CNNM3: variants seen among roughly 807,000 people sequenced by gnomAD.
CNNM3 encodes cyclin and CBS domain divalent metal cation transport mediator 3, also known as metal transporter CNNM3.
In CNNM3, 47 loss-of-function variants were observed where a neutral mutation model predicts 57.1. The observed-to-expected ratio is 0.82, with a 90% confidence interval of 0.65 to 1.05. CNNM3 has a LOEUF of 1.05. Ranked by LOEUF, CNNM3 falls within the 50% of genes least tolerant of loss-of-function variation. CNNM3 has a pLI of 0.00. For synonymous variants in CNNM3, 507 were observed against 478.2 expected (o/e 1.06, Z -0.79); for missense variants, 957 against 973.7 (o/e 0.98, Z 0.23).
intron 1 of CNNM3, among the ~76,000 whole-genome samples, chr2:96,821,066 G>A (rs986302413): frequency 1.3e-5 from 2 of 152,008 alleles, no homozygotes; most frequent in Admixed American, 1.3e-4. Context: ...GGAAGACAGT[G>A]GGGGAGGTTT....
At chr2:96,835,784 T>C (rs1214070065), downstream of CNNM3, among the ~76,000 whole-genome samples, 3 of 152,120 alleles carry the variant, frequency 2.0e-5, no homozygotes, top group East Asian at 5.8e-4. Context: ...GTCAAACTCA[T>C]GTCCTCACCG....
intron 2 of CNNM3, 55 bp from the exon 3 acceptor site, chr2:96,826,778 T>C: frequency 6.2e-7 from 1 of 1,604,958 alleles, no homozygotes; most frequent in Non-Finnish European, 8.5e-7. Flanking sequence ...CTTAGTGTGG[T>C]CGTGTTGACT....
In CNNM3 at chr2:96,834,713, G is replaced by C. The variant is rs776845739; in HGVS notation, c.*2097G>C. The stretch of plus-strand genomic sequence containing the variant: ...ATGTTAACAGCTTACATATAACCTT[G>C]GTACATTTATCAAAACTAAAGGTGC... On this transcript the variant is annotated 3_prime_UTR_variant, in exon 8 of 8. Transcript: ENST00000305510. Among the ~76,000 whole-genome samples the C allele has an allele frequency of 6.6e-6, 1 of 151,986 alleles. No individual in the cohort carries two copies. Among genetic ancestry groups the C allele is most frequent in the Non-Finnish European group, 1.5e-5 (1 of 68,016 alleles).
chr2:96,827,005 G>T (rs774293886), intron 3 of CNNM3, 23 bp downstream of exon 3: 6 of 1,610,662 alleles, frequency 3.7e-6, no homozygotes, highest in Non-Finnish European at 5.1e-6. Flanking sequence ...GGTGGTCCAT[G>T]CCCCCTGCTC....
chr2:96,836,265 G>A (rs1444337993), downstream of CNNM3, among the ~76,000 whole-genome samples: 1 of 133,650 alleles, frequency 7.5e-6, no homozygotes, highest in Non-Finnish European at 1.6e-5. Flanking sequence ...TTTTTGAGAT[G>A]TAGTTTCACT....
Position 96,834,591 on chromosome 2 carries a change from C to T in CNNM3, c.*1975C>T, listed in dbSNP as rs533265637. Among the ~76,000 whole-genome samples the T allele has an allele frequency of 4.5e-4, 68 of 151,438 alleles. No individual in the cohort carries two copies. The highest frequency in any genetic ancestry group is 1.5e-3 in the African/African-American group (62 of 41,268). ...CTCGAACTCCTAGGCTCAAGCGATCCTCCTGCCTCGGCCTCCCAAAGTGTT... is the reference window on the plus strand; with the variant it reads ...CTCGAACTCCTAGGCTCAAGCGATCTTCCTGCCTCGGCCTCCCAAAGTGTT... On this transcript the variant is annotated 3_prime_UTR_variant, in exon 8 of 8. Transcript: ENST00000305510.
intron 1 of CNNM3, among the ~76,000 whole-genome samples, chr2:96,818,569 C>T (rs1247730895): frequency 6.6e-6 from 1 of 152,126 alleles, no homozygotes; most frequent in African/African-American, 2.4e-5. Flanking sequence ...TCTTTTCTAA[C>T]CCTAAGGTCT....
At chr2:96,827,619 C>T (rs1014470230) in intron 3 of CNNM3, 112 bp from the exon 4 acceptor site, 1 of 1,125,296 alleles carries the variant, frequency 8.9e-7, no homozygotes, top group African/African-American at 1.5e-5. Context: ...TCACAGGCCA[C>T]CCGGGAGATC....
Position 96,827,846 on chromosome 2 carries a change from C to G in CNNM3, c.1635C>G (p.His545Gln). 1 of 1,614,158 alleles carries G rather than the reference C, an allele frequency of 6.2e-7. No individual in the cohort carries two copies. Among genetic ancestry groups the G allele is most frequent in the East Asian group, 2.2e-5 (1 of 44,876 alleles). The change falls in exon 4 of 8, where the codon CAC becomes CAG. Residue 545 changes from histidine to glutamine, a missense_variant. Transcript: ENST00000305510. Reference sequence around the variant, plus strand: ...ACGAGAGCAACCGGCTGGCCACACACCACTACCTGTACCAGCGCAGCCAGC... The same window carrying G: ...ACGAGAGCAACCGGCTGGCCACACAGCACTACCTGTACCAGCGCAGCCAGC... ...RFDESNRLATHHYLYQRSQPV... is the reference protein window; with the variant it reads ...RFDESNRLATQHYLYQRSQPV...
Position 96,832,837 on chromosome 2 carries a change from CAGCCCTCCA to C in CNNM3, c.*222_*230del. The stretch of plus-strand genomic sequence containing the variant: ...TTAGGAGACAGGAGTCACCAGGGCA[CAGCCCTCCA>C]GGCCCGCCTCAGGAAGGAATGAAAG... On this transcript the variant is annotated 3_prime_UTR_variant, in exon 8 of 8. Transcript: ENST00000305510. 1 of 1,513,992 alleles carries C rather than the reference CAGCCCTCCA, an allele frequency of 6.6e-7. No individual in the cohort carries two copies. Among genetic ancestry groups the C allele is most frequent in the Non-Finnish European group, 8.8e-7 (1 of 1,133,498 alleles). The allele number at this position is 1,513,992 out of a possible 1,614,324, so 93.8% of individuals were successfully genotyped here. A position where few individuals can be genotyped will look rare whatever the true frequency, so the allele number is the denominator to read the frequency against.
At chr2:96,825,823 C>G (rs765934199) in intron 2 of CNNM3, among the ~76,000 whole-genome samples, 1 of 143,388 alleles carries the variant, frequency 7.0e-6, no homozygotes, top group East Asian at 1.9e-4. Context: ...ATCGCTTGAA[C>G]CTAGGAGGCA....
rs1276363656 is a variant in CNNM3, at chr2:96,832,790, C to T, written c.*174C>T. On this transcript the variant is annotated 3_prime_UTR_variant, in exon 8 of 8. Transcript: ENST00000305510. ...AGAACTAGACATCAATGCCTGGATC[C>T]TTCAGCCGGCCCTGCCCTCCTTTAG... 1.3e-5 allele frequency: 20 copies of T among 1,498,978 alleles called. No individual in the cohort carries two copies. Among genetic ancestry groups the T allele is most frequent in the Non-Finnish European group, 1.8e-5 (20 of 1,125,820 alleles). 92.9% of individuals were successfully genotyped at this position (1,498,978 alleles called of 1,614,324 possible). A position where few individuals can be genotyped will look rare whatever the true frequency, so the allele number is the denominator to read the frequency against.
chr2:96,834,347 T>TATTA lies in CNNM3; in HGVS notation c.*1732_*1735dup, dbSNP rs1226751722. Among the ~76,000 whole-genome samples the TATTA allele has an allele frequency of 6.7e-6, 1 of 149,608 alleles. No individual in the cohort carries two copies. The highest frequency in any genetic ancestry group is 1.5e-5 in the Non-Finnish European group (1 of 67,492). The stretch of plus-strand genomic sequence containing the variant: ...TTTATTTATTTATTATTATTATTAT[T>TATTA]ATTATTATTATTATTGAGACAAGAT... On this transcript the variant is annotated 3_prime_UTR_variant, in exon 8 of 8. Transcript: ENST00000305510.
At chr2:96,822,375 C>T (rs183820678) in intron 1 of CNNM3, among the ~76,000 whole-genome samples, 1 of 151,990 alleles carries the variant, frequency 6.6e-6, no homozygotes, top group African/African-American at 2.4e-5. Context: ...GTGATGTGAT[C>T]GTGGCTCACT....
In CNNM3 at chr2:96,816,839, C is replaced by G. The variant is rs940116018; in HGVS notation, c.562C>G (p.Arg188Gly). 188 of 1,043,624 alleles carry G rather than the reference C, an allele frequency of 1.8e-4. No homozygotes were observed. The highest frequency in any genetic ancestry group is 2.1e-4 in the Non-Finnish European group (181 of 871,154). 64.6% of individuals were successfully genotyped at this position (1,043,624 alleles called of 1,614,324 possible). The change falls in exon 1 of 8, where the codon CGG becomes GGG. Residue 188 changes from arginine to glycine, a missense_variant. Transcript: ENST00000305510. The part of the protein sequence containing the change: ...RAAARRLEPA[R>G]RWAGCALGAL... ...GGCGGCGCGGCGTTTGGAGCCCGCG[C>G]GGCGCTGGGCCGGCTGCGCCTTGGG...
chr2:96,831,593 C>T (rs1263351377), intron 7 of CNNM3, among the ~76,000 whole-genome samples: 1 of 152,226 alleles, frequency 6.6e-6, no homozygotes, highest in Non-Finnish European at 1.5e-5. Context: ...AGCAGTGGAG[C>T]TGAGTAGCTG....
chr2:96,826,804 C>A lies in CNNM3; in HGVS notation c.1370-29C>A. 1.2e-6 allele frequency: 2 copies of A among 1,612,522 alleles called. 1 individual carries two copies. The highest frequency in any genetic ancestry group is 2.2e-5 in the South Asian group (2 of 90,976). ...CGTGTTGACTGACAGGTGGCTGATG[C>A]CTGAGCGCGCCCTCTTCTTCCATCT... On this transcript the variant is annotated intron_variant, in intron 2 of 7. Transcript: ENST00000305510.
chr2:96,832,920 C>CGGGGCA lies in CNNM3; in HGVS notation c.*308_*313dup, dbSNP rs771554169. The CGGGGCA allele has an allele frequency of 4.2e-6, 6 of 1,432,920 alleles. No homozygotes were observed. Among genetic ancestry groups the CGGGGCA allele is most frequent in the South Asian group, 2.4e-5 (2 of 82,270 alleles). The allele number at this position is 1,432,920 out of a possible 1,614,324, so 88.8% of individuals were successfully genotyped here. On this transcript the variant is annotated 3_prime_UTR_variant, in exon 8 of 8. Transcript: ENST00000305510. ...AGGGCCCAGCCTTCCCCTTCTCCCCCGGGGCAGGGACAGTGCGGCATATTC... is the reference window on the plus strand; with the variant it reads ...AGGGCCCAGCCTTCCCCTTCTCCCCCGGGGCAGGGGCAGGGACAGTGCGGCATATTC...
At chr2:96,828,008 A>G in intron 4 of CNNM3, 91 bp from the exon 5 acceptor site, 1 of 1,542,600 alleles carries the variant, frequency 6.5e-7, no homozygotes, top group Non-Finnish European at 8.9e-7. Flanking sequence ...CCCACCCCAA[A>G]CAATTGAGGT....
Sources: gnomAD v4.1 joint callset for allele counts (sites outside exome capture counted in the v4.1 genomes callset) on GRCh38, gnomAD v4.1.1 for gene constraint, MANE v1.5 for transcripts, NCBI Gene and HGNC (gene_info 2026-07-23, HGNC 2026-07-21) for gene names.